KCNIP4: variants seen among roughly 807,000 people sequenced by gnomAD.
The protein encoded by KCNIP4 is Kv channel-interacting protein 4.
A neutral mutation model predicts 34.0 loss-of-function variants in KCNIP4; 12 were observed. That is an observed-to-expected ratio of 0.35 (90% CI 0.23 to 0.57). KCNIP4 has a LOEUF of 0.57. KCNIP4 is among the 20% of genes least tolerant of loss of function. The pLI, the probability that KCNIP4 is intolerant of heterozygous loss-of-function variation, is 0.83. For missense variants in KCNIP4, 238 were observed against 311.7 expected (o/e 0.76, Z 1.78); for synonymous variants, 124 against 102.2 (o/e 1.21, Z -1.29).
chr4:21,145,234 C>T (rs777678347), intron 1 of KCNIP4, among the ~76,000 whole-genome samples: 5 of 152,142 alleles, frequency 3.3e-5, no homozygotes, highest in Non-Finnish European at 7.3e-5. Context: ...GCTTCCGTAG[C>T]TTTAGAAACT....
At chr4:21,670,152 C>T (rs965773054) in intron 1 of KCNIP4, among the ~76,000 whole-genome samples, 3 of 151,750 alleles carry the variant, frequency 2.0e-5, no homozygotes, top group Non-Finnish European at 2.9e-5. Flanking sequence ...ATATCTGAAA[C>T]GGGATGAGAA....
intron 1 of KCNIP4, among the ~76,000 whole-genome samples, chr4:21,002,569 G>A (rs1001790357): frequency 6.6e-6 from 1 of 152,164 alleles, no homozygotes; most frequent in African/African-American, 2.4e-5. Context: ...AATTCAGAAC[G>A]GGGTTGTCTG....
At chr4:21,506,755 A>G (rs1733875988) in intron 1 of KCNIP4, among the ~76,000 whole-genome samples, 1 of 152,220 alleles carries the variant, frequency 6.6e-6, no homozygotes, top group Non-Finnish European at 1.5e-5. Flanking sequence ...CACATTAAGA[A>G]TAATATAAAC....
intron 1 of KCNIP4, among the ~76,000 whole-genome samples, chr4:20,923,286 A>G (rs1292735530): frequency 6.6e-6 from 1 of 152,216 alleles, no homozygotes; most frequent in Non-Finnish European, 1.5e-5. Flanking sequence ...CAGGCTAGCT[A>G]CATGATGATA....
At chr4:21,021,864 A>ATC (rs1740086553) in intron 1 of KCNIP4, among the ~76,000 whole-genome samples, 1 of 85,114 alleles carries the variant, frequency 1.2e-5, no homozygotes, top group Non-Finnish European at 2.5e-5. Flanking sequence ...AGTATCGTAT[A>ATC]GTATAGTATA....
At chr4:21,207,837 CTTTT>C (rs1224347026) in intron 1 of KCNIP4, among the ~76,000 whole-genome samples, 1 of 131,020 alleles carries the variant, frequency 7.6e-6, no homozygotes, top group East Asian at 2.1e-4. Context: ...CTCCTTTTTT[CTTTT>C]TCTTTTTTTT....
At chr4:21,081,041 GC>G (rs1319417359) in intron 1 of KCNIP4, among the ~76,000 whole-genome samples, 2 of 151,800 alleles carry the variant, frequency 1.3e-5, no homozygotes, top group Non-Finnish European at 2.9e-5. Flanking sequence ...GATCAAGTGT[GC>G]TTTTATAAAT....
intron 1 of KCNIP4, among the ~76,000 whole-genome samples, chr4:21,581,228 G>A (rs1025069450): frequency 6.6e-6 from 1 of 151,866 alleles, no homozygotes; most frequent in Non-Finnish European, 1.5e-5. Context: ...AAACAAACAA[G>A]CAGGAGGTCT....
intron 1 of KCNIP4, among the ~76,000 whole-genome samples, chr4:21,075,186 A>T (rs975975394): frequency 2.6e-5 from 4 of 152,034 alleles, no homozygotes; most frequent in African/African-American, 9.7e-5. Flanking sequence ...CAGTTCCTGG[A>T]TATCTTTGTT....
chr4:21,278,393 C>T (rs1762568417), intron 1 of KCNIP4, among the ~76,000 whole-genome samples: 1 of 152,122 alleles, frequency 6.6e-6, no homozygotes, highest in South Asian at 2.1e-4. Flanking sequence ...TATTGTTCCC[C>T]TCTCTGTGTC....
chr4:21,818,462 C>T (rs1007362234), intron 1 of KCNIP4, among the ~76,000 whole-genome samples: 5 of 152,188 alleles, frequency 3.3e-5, no homozygotes, highest in African/African-American at 9.6e-5. Context: ...TAATTGAAAA[C>T]CCCTGATACA....
At chr4:21,473,850 A>G (rs1730674367) in intron 1 of KCNIP4, among the ~76,000 whole-genome samples, 1 of 151,936 alleles carries the variant, frequency 6.6e-6, no homozygotes, top group South Asian at 2.1e-4. Flanking sequence ...AAGAGCTGAG[A>G]CTACAGACAG....
chr4:20,765,710 A>G (rs887245748), intron 3 of KCNIP4, among the ~76,000 whole-genome samples: 2 of 152,206 alleles, frequency 1.3e-5, no homozygotes, highest in African/African-American at 2.4e-5. Flanking sequence ...TGACCATTGC[A>G]TTTCTTTCAT....
At chr4:21,475,599 C>T (rs1577423796) in intron 1 of KCNIP4, among the ~76,000 whole-genome samples, 1 of 152,168 alleles carries the variant, frequency 6.6e-6, no homozygotes, top group African/African-American at 2.4e-5. Context: ...ACCCTTGGCA[C>T]ACTGTTCAAA....
chr4:21,837,846 C>G (rs1288932344), intron 1 of KCNIP4, among the ~76,000 whole-genome samples: 7 of 152,056 alleles, frequency 4.6e-5, no homozygotes, highest in African/African-American at 1.7e-4. Flanking sequence ...AGTGAAAAGG[C>G]TTTTCTTAGA....
chr4:21,904,693 T>C (rs1297080499), intron 1 of KCNIP4, among the ~76,000 whole-genome samples: 1 of 152,200 alleles, frequency 6.6e-6, no homozygotes, highest in Non-Finnish European at 1.5e-5. Context: ...GAGAGCAGAA[T>C]TTCTCAGCCT....
chr4:21,938,634 T>C (rs1012166050), intron 1 of KCNIP4, among the ~76,000 whole-genome samples: 3 of 152,186 alleles, frequency 2.0e-5, no homozygotes, highest in African/African-American at 7.2e-5. Context: ...ATGATAGATT[T>C]ACTGTGTGTT....
chr4:21,799,696 T>C (rs1200591428), intron 1 of KCNIP4, among the ~76,000 whole-genome samples: 3 of 152,182 alleles, frequency 2.0e-5, no homozygotes, highest in Admixed American at 2.0e-4. Context: ...TAGAACAGCA[T>C]TGAAGACACA....
intron 1 of KCNIP4, among the ~76,000 whole-genome samples, chr4:21,183,974 T>C (rs556104415): frequency 6.6e-6 from 1 of 152,256 alleles, no homozygotes; most frequent in African/African-American, 2.4e-5. Flanking sequence ...TTTCCTTATA[T>C]CGTATCTCAC....
Sources: gnomAD v4.1 joint callset for allele counts (sites outside exome capture counted in the v4.1 genomes callset) on GRCh38, gnomAD v4.1.1 for gene constraint, MANE v1.5 for transcripts, NCBI Gene and HGNC (gene_info 2026-07-23, HGNC 2026-07-21) for gene names.